Variants in ATG5 observed in about 807,000 individuals in gnomAD.
ATG5 encodes the protein autophagy related 5.
ATG5 carries 14 observed loss-of-function variants against 36.5 expected under a neutral mutation model. That is an observed-to-expected ratio of 0.38 (90% CI 0.25 to 0.60). ATG5 has a LOEUF of 0.60. Among genes scored for constraint, ATG5 ranks in the 20% least tolerant of loss-of-function variants. The pLI is 0.60. For missense variants in ATG5, 195 were observed against 326.7 expected (o/e 0.60, Z 3.11); for synonymous variants, 95 against 101.5 (o/e 0.94, Z 0.38).
intron 5 of ATG5, among the ~76,000 whole-genome samples, chr6:106,262,496 T>A (rs1362077837): frequency 6.6e-6 from 1 of 152,070 alleles, no homozygotes; most frequent in Non-Finnish European, 1.5e-5. Flanking sequence ...AGTAAGTACA[T>A]CTAAAGTTTT....
intron 7 of ATG5, among the ~76,000 whole-genome samples, chr6:106,201,296 T>C (rs1437696533): frequency 6.6e-6 from 1 of 151,994 alleles, no homozygotes; most frequent in African/African-American, 2.4e-5. Flanking sequence ...TGTGTGTGTG[T>C]GTGTGTGTGT....
intron 5 of ATG5, among the ~76,000 whole-genome samples, chr6:106,265,246 A>C (rs1008766214): frequency 6.6e-6 from 1 of 152,124 alleles, no homozygotes; most frequent in African/African-American, 2.4e-5. Flanking sequence ...AAGATCAAAA[A>C]AGACAAAGAA....
At chr6:106,224,284 G>A (rs191983549) in intron 6 of ATG5, among the ~76,000 whole-genome samples, 2 of 152,236 alleles carry the variant, frequency 1.3e-5, no homozygotes, top group Admixed American at 1.3e-4. Context: ...GGGAGAAAAA[G>A]CAGGTAGAAA....
chr6:106,311,942 T>C (rs760957099), intron 2 of ATG5, among the ~76,000 whole-genome samples: 12 of 152,010 alleles, frequency 7.9e-5, no homozygotes, highest in Admixed American at 2.6e-4. Flanking sequence ...GTGATTCTCC[T>C]GCCTCAGTCT....
At chr6:106,230,836 C>A (rs1290920787) in intron 6 of ATG5, among the ~76,000 whole-genome samples, 3 of 152,142 alleles carry the variant, frequency 2.0e-5, no homozygotes, top group African/African-American at 4.8e-5. Context: ...TAAATTATAA[C>A]ACCATCTTAC....
intron 1 of ATG5, among the ~76,000 whole-genome samples, chr6:106,322,632 T>C (rs1342624139): frequency 6.6e-6 from 1 of 152,224 alleles, no homozygotes; most frequent in African/African-American, 2.4e-5. Flanking sequence ...AGAGGAATTT[T>C]ACTCAACAGT....
intron 3 of ATG5, among the ~76,000 whole-genome samples, chr6:106,293,835 G>A (rs1261731630): frequency 6.6e-6 from 1 of 152,118 alleles, no homozygotes; most frequent in Non-Finnish European, 1.5e-5. Flanking sequence ...AGATTTCAAT[G>A]GACAAACCTT....
intron 4 of ATG5, among the ~76,000 whole-genome samples, chr6:106,288,228 CCAAGGT>C (rs1299071252): frequency 6.6e-6 from 1 of 152,102 alleles, no homozygotes; most frequent in Non-Finnish European, 1.5e-5. Context: ...GCCTCACCTC[CCAAGGT>C]GCTGGGATTA....
At chr6:106,214,489 A>G (rs1282687760) in intron 6 of ATG5, among the ~76,000 whole-genome samples, 1 of 152,212 alleles carries the variant, frequency 6.6e-6, no homozygotes, top group Non-Finnish European at 1.5e-5. Flanking sequence ...AAAAGCTGTC[A>G]TTATTATAGT....
intron 6 of ATG5, among the ~76,000 whole-genome samples, chr6:106,241,881 A>C (rs1778137618): frequency 6.6e-6 from 1 of 152,066 alleles, no homozygotes; most frequent in Admixed American, 6.6e-5. Flanking sequence ...TGCCAAAACC[A>C]GGAAAGCCAA....
chr6:106,302,649 G>C (rs1251203117), intron 3 of ATG5, among the ~76,000 whole-genome samples: 3 of 151,998 alleles, frequency 2.0e-5, no homozygotes. Flanking sequence ...CAAGAGTGGA[G>C]ACGAACATCA....
intron 5 of ATG5, among the ~76,000 whole-genome samples, chr6:106,248,509 A>T (rs1778439861): frequency 6.6e-6 from 1 of 152,192 alleles, no homozygotes; most frequent in Non-Finnish European, 1.5e-5. Context: ...TAAACATACG[A>T]CTACTTGTGT....
chr6:106,215,139 T>C (rs768580097), intron 6 of ATG5, among the ~76,000 whole-genome samples: 4 of 152,244 alleles, frequency 2.6e-5, no homozygotes, highest in Non-Finnish European at 5.9e-5. Flanking sequence ...TTTTATCCTT[T>C]TGGTGTACTT....
chr6:106,315,067 G>C (rs1367514597), intron 2 of ATG5, among the ~76,000 whole-genome samples: 1 of 152,206 alleles, frequency 6.6e-6, no homozygotes, highest in Non-Finnish European at 1.5e-5. Context: ...AGGATGCACA[G>C]AGGAAAACAA....
intron 1 of ATG5, among the ~76,000 whole-genome samples, chr6:106,323,964 T>G (rs1253813106): frequency 1.3e-5 from 2 of 152,208 alleles, no homozygotes; most frequent in Non-Finnish European, 2.9e-5. Flanking sequence ...AGGGCTTCAG[T>G]GGCAGCTCCT....
intron 6 of ATG5, among the ~76,000 whole-genome samples, chr6:106,244,878 AAC>A (rs1778269326): frequency 6.6e-6 from 1 of 152,206 alleles, no homozygotes; most frequent in African/African-American, 2.4e-5. Flanking sequence ...CTTCTTGAAA[AAC>A]AGATATGATG....
intron 2 of ATG5, among the ~76,000 whole-genome samples, chr6:106,311,508 G>C (rs185515481): frequency 6.6e-6 from 1 of 152,272 alleles, no homozygotes; most frequent in Admixed American, 6.5e-5. Flanking sequence ...CCAAACAGGG[G>C]ACACTGCAAG....
In ATG5 at chr6:106,186,364, C is replaced by CA. The variant is rs1775768643; in HGVS notation, c.*175dup. 1 of 655,386 alleles carries CA rather than the reference C, an allele frequency of 1.5e-6. No homozygotes were observed. The highest frequency in any genetic ancestry group is 3.1e-5 in the Admixed American group (1 of 32,056). 40.6% of individuals were successfully genotyped at this position (655,386 alleles called of 1,614,324 possible). A position where few individuals can be genotyped will look rare whatever the true frequency, so the allele number is the denominator to read the frequency against. On this transcript the variant is annotated 3_prime_UTR_variant, in exon 8 of 8. Transcript: ENST00000369076. ...GCAGTGGAGGAAAGCAGAGGTGATG[C>CA]AAAGTAAGACCAGCCCAGTTGCCTT...
chr6:106,306,121 T>C (rs963511407), intron 3 of ATG5, among the ~76,000 whole-genome samples: 12 of 152,312 alleles, frequency 7.9e-5, no homozygotes, highest in African/African-American at 2.9e-4. Flanking sequence ...ATAAGCTCTC[T>C]AAAAGGGAAA....
Sources: gnomAD v4.1 joint callset for allele counts (sites outside exome capture counted in the v4.1 genomes callset) on GRCh38, gnomAD v4.1.1 for gene constraint, MANE v1.5 for transcripts, NCBI Gene and HGNC (gene_info 2026-07-23, HGNC 2026-07-21) for gene names.